COL4A5: variants seen among roughly 807,000 people sequenced by gnomAD.
COL4A5 encodes the protein collagen alpha-5(IV) chain.
A neutral mutation model predicts 130.2 loss-of-function variants in COL4A5; 26 were observed. The ratio of observed to expected loss-of-function variants is 0.20; its 90% CI spans 0.15 to 0.28. The LOEUF (loss-of-function observed/expected upper bound fraction) is 0.28, where lower values mean the gene tolerates loss of function less well. Among genes scored for constraint, COL4A5 ranks in the 10% least tolerant of loss-of-function variants. The pLI, the probability that COL4A5 is intolerant of heterozygous loss-of-function variation, is 1.00. For missense variants in COL4A5, 1,131 were observed against 1,344.3 expected, an observed-to-expected ratio of 0.84 and a Z score of 2.48; for synonymous variants, 496 against 439.6, an observed-to-expected ratio of 1.13 and a Z score of -1.60.
chrX:108,555,015 A>G (rs1391572042), intron 2 of COL4A5, among the ~76,000 whole-genome samples: 1 of 112,793 alleles, frequency 8.9e-6, no homozygotes, highest in Non-Finnish European at 1.9e-5. Flanking sequence ...AGATTTCCCT[A>G]AAAGAAATGT....
At chrX:108,561,800 T>G (rs1407358469) in intron 3 of COL4A5, among the ~76,000 whole-genome samples, 1 of 111,610 alleles carries the variant, frequency 9.0e-6, no homozygotes, top group Non-Finnish European at 1.9e-5. Context: ...AATCAGAGCT[T>G]AGATTTGGGG....
At chrX:108,477,045 T>C (rs80130486) in intron 1 of COL4A5, among the ~76,000 whole-genome samples, 11,528 of 111,486 alleles carry the variant, frequency 0.1, 1,303 homozygotes, top group African/African-American at 0.33. Flanking sequence ...CTCATTTTCA[T>C]GTTTTTCTGC....
intron 1 of COL4A5, among the ~76,000 whole-genome samples, chrX:108,483,037 A>T (rs2064907111): frequency 9.0e-6 from 1 of 111,558 alleles, no homozygotes; most frequent in Admixed American, 9.5e-5. Context: ...TCTCCATACT[A>T]TTTGAAGTAG....
At chrX:108,618,004 T>G (rs28465196) in intron 30 of COL4A5, among the ~76,000 whole-genome samples, 11,625 of 111,495 alleles carry the variant, frequency 0.1, 1,302 homozygotes, top group African/African-American at 0.34. Flanking sequence ...GGTGTGTGTA[T>G]GTGTGTGTAT....
intron 1 of COL4A5, among the ~76,000 whole-genome samples, chrX:108,464,460 C>T (rs2064683341): frequency 8.9e-6 from 1 of 111,806 alleles, no homozygotes; most frequent in South Asian, 3.7e-4. Context: ...GCAGGTTTAT[C>T]TGCAACTATA....
chrX:108,591,085 C>A lies in COL4A5; in HGVS notation c.1193C>A (p.Pro398His). The change falls in exon 20 of 53, where the codon CCT becomes CAT. Residue 398 changes from proline (P) to histidine (H), a missense_variant. By Grantham distance (77) the Pro-to-His change is moderately conservative. Transcript: ENST00000328300. Reference protein sequence around the residue: ...PGAAVMGPPGPPGFPGERGQK... With the variant: ...PGAAVMGPPGHPGFPGERGQK... ...GCTGCAGTTATGGGTCCTCCTGGCC[C>A]TCCTGGATTTCCTGGAGAAAGGGGT... The A allele has an allele frequency of 8.3e-7, 1 of 1,210,054 alleles. No individual in the cohort carries two copies. The highest frequency in any genetic ancestry group is 1.1e-6 in the Non-Finnish European group (1 of 895,212).
At chrX:108,505,596 C>T (rs1217908429) in intron 1 of COL4A5, among the ~76,000 whole-genome samples, 2 of 111,212 alleles carry the variant, frequency 1.8e-5, no homozygotes, top group Non-Finnish European at 3.8e-5. Context: ...TAAAAAGAGA[C>T]ACCAGAGAGT....
intron 1 of COL4A5, among the ~76,000 whole-genome samples, chrX:108,513,888 C>A (rs915993526): frequency 4.5e-5 from 5 of 111,432 alleles, no homozygotes; most frequent in Non-Finnish European, 1.9e-5. Context: ...TAATCCATGA[C>A]CTTTTATGTT....
intron 1 of COL4A5, among the ~76,000 whole-genome samples, chrX:108,452,574 T>A (rs2064530755): frequency 1.8e-5 from 2 of 111,964 alleles, no homozygotes; most frequent in Non-Finnish European, 3.8e-5. Context: ...GGTATTTTAT[T>A]CTCTTTGAAG....
intron 3 of COL4A5, among the ~76,000 whole-genome samples, chrX:108,561,298 G>A (rs1217693744): frequency 9.0e-6 from 1 of 111,259 alleles, no homozygotes; most frequent in East Asian, 2.8e-4. Flanking sequence ...AAAGGGAAGA[G>A]AGGTTAGATC....
At chrX:108,562,575 G>A (rs3788923) in intron 3 of COL4A5, among the ~76,000 whole-genome samples, 11,559 of 111,056 alleles carry the variant, frequency 0.1, 1,296 homozygotes, top group African/African-American at 0.34. Flanking sequence ...TTTCATTTCA[G>A]TTATCTAAAA....
At chrX:108,647,046 A>G (rs964812313) in intron 36 of COL4A5, among the ~76,000 whole-genome samples, 1 of 110,896 alleles carries the variant, frequency 9.0e-6, no homozygotes, top group African/African-American at 3.3e-5. Flanking sequence ...TTGGCTTAGG[A>G]CTGACTTGGT....
At chrX:108,478,293 T>C in intron 1 of COL4A5, among the ~76,000 whole-genome samples, 1 of 111,300 alleles carries the variant, frequency 9.0e-6, no homozygotes, top group Middle Eastern at 4.6e-3. Flanking sequence ...GAATTGTTGT[T>C]GTGTCTCCTG....
chrX:108,543,284 A>G (rs770530080), intron 2 of COL4A5, among the ~76,000 whole-genome samples: 45 of 111,743 alleles, frequency 4.0e-4, no homozygotes, highest in African/African-American at 1.4e-3. Context: ...AAATTTTTGT[A>G]TAAGGTGTAA....
intron 1 of COL4A5, among the ~76,000 whole-genome samples, chrX:108,485,677 C>G (rs973875523): frequency 9.1e-6 from 1 of 109,853 alleles, no homozygotes; most frequent in African/African-American, 3.3e-5. Flanking sequence ...GAGCTAGTAC[C>G]CCAGACACAG....
At chrX:108,549,827 A>T (rs1209392743) in intron 2 of COL4A5, among the ~76,000 whole-genome samples, 1 of 111,717 alleles carries the variant, frequency 9.0e-6, no homozygotes, top group East Asian at 2.8e-4. Flanking sequence ...AACACAAATT[A>T]CCCATATCAG....
intron 36 of COL4A5, among the ~76,000 whole-genome samples, chrX:108,640,794 A>T (rs895786750): frequency 8.9e-6 from 1 of 112,193 alleles, no homozygotes; most frequent in African/African-American, 3.2e-5. Flanking sequence ...GAAAATATTA[A>T]TTAGCTTGAT....
At chrX:108,531,162 G>A (rs1298810588) in intron 1 of COL4A5, among the ~76,000 whole-genome samples, 3 of 88,370 alleles carry the variant, frequency 3.4e-5, no homozygotes, top group Non-Finnish European at 6.5e-5. Context: ...TGAACAATGA[G>A]AACACATGGA....
At chrX:108,626,485 T>A (rs781709054) in intron 36 of COL4A5, 136 bp downstream of exon 36, 814 of 1,161,461 alleles carry the variant, frequency 7.0e-4, no homozygotes, top group Non-Finnish European at 8.6e-4. Flanking sequence ...TTATTCCTTT[T>A]CTTTTCTCTT....
Sources: gnomAD v4.1 joint callset for allele counts (sites outside exome capture counted in the v4.1 genomes callset) on GRCh38, gnomAD v4.1.1 for gene constraint, MANE v1.5 for transcripts, NCBI Gene and HGNC (gene_info 2026-07-23, HGNC 2026-07-21) for gene names.